Variants in LUZP2 observed in about 807,000 individuals in gnomAD.
LUZP2 encodes leucine zipper protein 2.
A neutral mutation model predicts 51.6 loss-of-function variants in LUZP2; 52 were observed. The ratio of observed to expected loss-of-function variants is 1.01; its 90% confidence interval spans 0.81 to 1.27. The LOEUF is 1.27. LUZP2 is among the 50% of genes most tolerant of loss of function. The pLI is 0.00. For synonymous variants in LUZP2, 154 were observed against 137.3 expected (o/e 1.12, Z -0.85); for missense variants, 436 against 395.4 (o/e 1.10, Z -0.87).
chr11:24,624,081 A>G (rs940328555), intron 1 of LUZP2, among the ~76,000 whole-genome samples: 1 of 152,172 alleles, frequency 6.6e-6, no homozygotes, highest in Non-Finnish European at 1.5e-5. Context: ...TAAGAATAGC[A>G]ATAGGCTGAT....
intron 9 of LUZP2, among the ~76,000 whole-genome samples, chr11:24,999,409 GAGA>G (rs34670762): frequency 0.48 from 72,056 of 150,076 alleles, 17,569 homozygotes; most frequent in Non-Finnish European, 0.51. Flanking sequence ...GAGGAGGAAG[GAGA>G]AGAAGAAGGA....
At chr11:25,039,464 T>C (rs113630978) in intron 9 of LUZP2, among the ~76,000 whole-genome samples, 14 of 152,242 alleles carry the variant, frequency 9.2e-5, no homozygotes, top group African/African-American at 3.1e-4. Context: ...AATCAGGCAG[T>C]GTTTTATCCA....
intron 1 of LUZP2, among the ~76,000 whole-genome samples, chr11:24,515,348 CACTTTTTACAACCAGCAAGAGGGATA>C (rs1242099631): frequency 6.7e-6 from 1 of 149,256 alleles, no homozygotes; most frequent in Admixed American, 6.6e-5. Context: ...CTGTAAATGA[CACTTTTTACAACCAGCAAGAGGGATA>C]ACTTGGCAAT....
chr11:24,871,114 A>G (rs1196945054), intron 5 of LUZP2, among the ~76,000 whole-genome samples: 2 of 152,116 alleles, frequency 1.3e-5, no homozygotes, highest in African/African-American at 4.8e-5. Flanking sequence ...AATATATTGT[A>G]AAGTTATTTT....
At chr11:24,899,504 G>A (rs1853206636) in intron 5 of LUZP2, among the ~76,000 whole-genome samples, 1 of 151,804 alleles carries the variant, frequency 6.6e-6, no homozygotes, top group African/African-American at 2.4e-5. Context: ...TTGAGAGAAA[G>A]ATATCGCCAG....
rs1215809915 is a variant in LUZP2, at chr11:24,914,509, C to G, written c.493C>G (p.Arg165Gly). The change falls in exon 7 of 12, where the codon CGT (arginine) becomes GGT (glycine). Residue 165 changes from arginine to glycine, a missense_variant. Physicochemically the swap from Arg to Gly is moderately radical, Grantham distance 125 (BLOSUM62 -2). Transcript: ENST00000336930. Reference protein sequence around the residue: ...KKIQAQLKELRYGKKDLLFKA... With the variant: ...KKIQAQLKELGYGKKDLLFKA... Reference sequence around the variant, plus strand: ...AATCCAAGCCCAGCTGAAGGAGCTTCGTTATGGGAAGAAGGATTTATTATT... The same window carrying G: ...AATCCAAGCCCAGCTGAAGGAGCTTGGTTATGGGAAGAAGGATTTATTATT... 1.2e-6 allele frequency: 2 copies of G among 1,609,498 alleles called. No homozygotes were observed. Among genetic ancestry groups the G allele is most frequent in the South Asian group, 1.1e-5 (1 of 90,088 alleles).
chr11:24,538,643 G>T (rs979864951), intron 1 of LUZP2, among the ~76,000 whole-genome samples: 52 of 109,298 alleles, frequency 4.8e-4, no homozygotes, highest in South Asian at 2.2e-3. Flanking sequence ...GTATTTATGT[G>T]TTTTTTATAT....
At chr11:24,815,150 G>A (rs1428381306) in intron 5 of LUZP2, among the ~76,000 whole-genome samples, 1 of 152,078 alleles carries the variant, frequency 6.6e-6, no homozygotes, top group African/African-American at 2.4e-5. Context: ...GTAGAAAGGT[G>A]TTCAATTCTT....
At chr11:24,831,093 G>A (rs1288611550) in intron 5 of LUZP2, among the ~76,000 whole-genome samples, 3 of 152,172 alleles carry the variant, frequency 2.0e-5, no homozygotes, top group Non-Finnish European at 4.4e-5. Flanking sequence ...TGTTCCTAAC[G>A]ATTAAGTTGT....
intron 1 of LUZP2, among the ~76,000 whole-genome samples, chr11:24,599,069 T>C (rs548695901): frequency 6.6e-6 from 1 of 152,258 alleles, no homozygotes; most frequent in East Asian, 1.9e-4. Flanking sequence ...CTGTACTAAT[T>C]GGATTATGTA....
intron 1 of LUZP2, among the ~76,000 whole-genome samples, chr11:24,630,189 G>A (rs1590266727): frequency 6.6e-6 from 1 of 151,752 alleles, no homozygotes; most frequent in South Asian, 2.1e-4. Context: ...AAGCTTTTTA[G>A]TGGAATTAAG....
chr11:24,896,551 C>G (rs1467784762), intron 5 of LUZP2, among the ~76,000 whole-genome samples: 1 of 152,158 alleles, frequency 6.6e-6, no homozygotes, highest in Non-Finnish European at 1.5e-5. Flanking sequence ...GGACCTGCAG[C>G]CTCCCATGCC....
intron 5 of LUZP2, among the ~76,000 whole-genome samples, chr11:24,767,781 G>C (rs1860247524): frequency 6.6e-6 from 1 of 151,906 alleles, no homozygotes; most frequent in African/African-American, 2.4e-5. Flanking sequence ...AATATTGTTT[G>C]GTTGCAAAAA....
At chr11:24,736,031 T>C (rs1858924119) in intron 3 of LUZP2, among the ~76,000 whole-genome samples, 1 of 151,900 alleles carries the variant, frequency 6.6e-6, no homozygotes, top group South Asian at 2.1e-4. Flanking sequence ...AGACAAAAAG[T>C]CTACTTTACC....
intron 1 of LUZP2, among the ~76,000 whole-genome samples, chr11:24,560,541 C>T (rs779009444): frequency 1.3e-5 from 2 of 152,016 alleles, no homozygotes; most frequent in Admixed American, 6.6e-5. Flanking sequence ...ACAGGCAGCA[C>T]GACAAGTCAG....
chr11:24,873,248 G>T (rs1440370198), intron 5 of LUZP2, among the ~76,000 whole-genome samples: 1 of 152,160 alleles, frequency 6.6e-6, no homozygotes, highest in Admixed American at 6.6e-5. Context: ...AAGTGAAATG[G>T]TATTTAGTAA....
intron 1 of LUZP2, among the ~76,000 whole-genome samples, chr11:24,506,036 G>C (rs1453030883): frequency 1.3e-5 from 2 of 152,086 alleles, no homozygotes; most frequent in Non-Finnish European, 2.9e-5. Context: ...AACAAGGACA[G>C]CGTAACATTA....
At chr11:24,989,142 G>C (rs1254141070) in intron 9 of LUZP2, among the ~76,000 whole-genome samples, 2 of 151,560 alleles carry the variant, frequency 1.3e-5, no homozygotes, top group Admixed American at 1.3e-4. Flanking sequence ...TTTGGCAAAT[G>C]TCAATGGGAA....
At chr11:24,699,557 C>A (rs551463828) in intron 1 of LUZP2, among the ~76,000 whole-genome samples, 289 of 151,732 alleles carry the variant, frequency 1.9e-3, no homozygotes, top group Non-Finnish European at 2.6e-3. Context: ...GGAAAGCACA[C>A]AGAAGTTTTT....
Sources: gnomAD v4.1 joint callset for allele counts (sites outside exome capture counted in the v4.1 genomes callset) on GRCh38, gnomAD v4.1.1 for gene constraint, MANE v1.5 for transcripts, NCBI Gene and HGNC (gene_info 2026-07-23, HGNC 2026-07-21) for gene names.